Variants in PTBP2 observed in about 807,000 individuals in gnomAD.
PTBP2 encodes the protein polypyrimidine tract-binding protein 2.
In PTBP2, 13 loss-of-function variants were observed where a neutral mutation model predicts 61.4. That is an observed-to-expected ratio of 0.21 (90% CI 0.14 to 0.34). PTBP2 has a LOEUF of 0.34. PTBP2 is among the 10% of genes least tolerant of loss of function. The pLI is 1.00. For synonymous variants in PTBP2, 215 were observed against 218.5 expected (o/e 0.98, Z 0.14); for missense variants, 405 against 642.6 (o/e 0.63, Z 4.00).
intron 2 of PTBP2, among the ~76,000 whole-genome samples, chr1:96,731,966 A>T (rs916513074): frequency 6.6e-6 from 1 of 152,162 alleles, no homozygotes; most frequent in Non-Finnish European, 1.5e-5. Flanking sequence ...CCAATACGGT[A>T]AAATGTTAAC....
At chr1:96,751,269 T>C (rs754907753) in intron 2 of PTBP2, 156 bp from the exon 3 acceptor site, 1 of 701,358 alleles carries the variant, frequency 1.4e-6, no homozygotes, top group South Asian at 1.5e-5. Flanking sequence ...GAGGGATAGA[T>C]GGGAGAGTAG....
chr1:96,789,303 G>C (rs983890619), intron 8 of PTBP2, among the ~76,000 whole-genome samples: 5 of 152,056 alleles, frequency 3.3e-5, no homozygotes, highest in Admixed American at 6.6e-5. Flanking sequence ...AGTTATAATT[G>C]TGAACAGATA....
rs371940574 is a variant in PTBP2, at chr1:96,812,928, C to T, written c.1388C>T (p.Pro463Leu). Residue 463 changes from proline (P) to leucine (L), a missense_variant and splice_region_variant, in exon 12 of 14, where the codon CCT (proline) becomes CTT (leucine). Coordinates refer to ENST00000674951, the MANE Select transcript of PTBP2 (RefSeq NM_021190.4). ...GCCACCCTTCACCTATCTAATATCC[C>T]GTAAGTATATAAGCTAGAGTGTATT... The part of the protein sequence containing the change: ...PSATLHLSNI[P>L]PSVAEEDLRT... 4.4e-6 allele frequency: 7 copies of T among 1,605,910 alleles called. No homozygotes were observed. Among genetic ancestry groups the T allele is most frequent in the African/African-American group, 2.7e-5 (2 of 74,660 alleles).
intron 5 of PTBP2, among the ~76,000 whole-genome samples, chr1:96,775,579 A>G (rs1294084691): frequency 6.6e-6 from 1 of 152,148 alleles, no homozygotes; most frequent in African/African-American, 2.4e-5. Context: ...AAGCGTGAGT[A>G]TGGCTTCTAG....
chr1:96,729,793 G>T (rs1651143991), intron 2 of PTBP2, among the ~76,000 whole-genome samples: 1 of 145,900 alleles, frequency 6.9e-6, no homozygotes, highest in African/African-American at 2.6e-5. Flanking sequence ...CTGGAGTGCA[G>T]TGGCACCATC....
intron 2 of PTBP2, among the ~76,000 whole-genome samples, chr1:96,734,931 T>G (rs1651964750): frequency 6.7e-6 from 1 of 149,758 alleles, no homozygotes; most frequent in African/African-American, 2.5e-5. Flanking sequence ...TTCCTGCTTT[T>G]TGAGAGACAA....
Position 96,761,346 on chromosome 1 carries a change from ATGTGTGTGTGTGTGTGTGTG to A in PTBP2, c.116-8333_116-8314del, listed in dbSNP as rs57451223. On this transcript the variant is annotated intron_variant, in intron 3 of 13. Transcript: ENST00000674951. ...AGCAGGGGCCTAGATGTGGGATTTG[ATGTGTGTGTGTGTGTGTGTG>A]TGTGTGTGTGTGTGTGTGTGTGTAG... Among the ~76,000 whole-genome samples the A allele has an allele frequency of 7.8e-5, 11 of 140,574 alleles. No individual in the cohort carries two copies. The East Asian group carries it at 1.3e-3, about 16-fold the overall frequency. 92.2% of individuals were successfully genotyped at this position (140,574 alleles called of 152,430 possible).
chr1:96,756,763 T>C (rs1382655595), intron 3 of PTBP2, among the ~76,000 whole-genome samples: 1 of 152,086 alleles, frequency 6.6e-6, no homozygotes, highest in African/African-American at 2.4e-5. Context: ...AAATCAGTGG[T>C]TGCTAGGGTT....
At chr1:96,729,234 C>G (rs1651027156) in intron 2 of PTBP2, among the ~76,000 whole-genome samples, 1 of 152,128 alleles carries the variant, frequency 6.6e-6, no homozygotes, top group Admixed American at 6.5e-5. Context: ...GTTGGCCAGG[C>G]TGGTCTGGAA....
intron 7 of PTBP2, among the ~76,000 whole-genome samples, 163 bp downstream of exon 7, chr1:96,778,109 T>C (rs983510922): frequency 5.3e-5 from 8 of 151,090 alleles, no homozygotes; most frequent in African/African-American, 1.9e-4. Context: ...AAAAGAAATA[T>C]TTATTTTTAG....
At chr1:96,762,164 A>G (rs1655969804) in intron 3 of PTBP2, among the ~76,000 whole-genome samples, 1 of 149,176 alleles carries the variant, frequency 6.7e-6, no homozygotes. Context: ...CCGATTTCTC[A>G]ATCTTTTCCC....
exon 14 of PTBP2, chr1:96,822,695 T>G (rs1662721695): frequency 6.6e-6 from 1 of 152,168 alleles, no homozygotes; most frequent in African/African-American, 2.4e-5. Flanking sequence ...CTTTTAAAAT[T>G]ACAAAATTAA....
At chr1:96,745,458 A>G (rs1374814161) in intron 2 of PTBP2, among the ~76,000 whole-genome samples, 4 of 152,096 alleles carry the variant, frequency 2.6e-5, no homozygotes, top group African/African-American at 9.7e-5. Context: ...TACTGCGCCC[A>G]GCCCAATATT....
At chr1:96,781,107 T>C (rs980670416) in intron 7 of PTBP2, among the ~76,000 whole-genome samples, 1 of 152,072 alleles carries the variant, frequency 6.6e-6, no homozygotes, top group African/African-American at 2.4e-5. Context: ...AATGTCAATA[T>C]TGGCATAAAT....
At chr1:96,762,369 G>T (rs1256667810) in intron 3 of PTBP2, among the ~76,000 whole-genome samples, 13 of 149,210 alleles carry the variant, frequency 8.7e-5, no homozygotes. Flanking sequence ...CTCACCTCCC[G>T]GATGGGGCGG....
chr1:96,732,922 A>G (rs1557687045), intron 2 of PTBP2, among the ~76,000 whole-genome samples: 1 of 152,166 alleles, frequency 6.6e-6, no homozygotes, highest in Non-Finnish European at 1.5e-5. Context: ...GAAGACCTCA[A>G]TTACAGGTAG....
chr1:96,804,528 A>C (rs1417459471), intron 8 of PTBP2, among the ~76,000 whole-genome samples: 1 of 152,140 alleles, frequency 6.6e-6, no homozygotes, highest in South Asian at 2.1e-4. Context: ...GCTTTTCCAG[A>C]GGAAATAGAG....
chr1:96,758,154 A>G (rs553783158), intron 3 of PTBP2, among the ~76,000 whole-genome samples: 1 of 152,190 alleles, frequency 6.6e-6, no homozygotes, highest in Non-Finnish European at 1.5e-5. Flanking sequence ...CAATATTAGT[A>G]ATGTTGTTAA....
rs373815292 is a variant in PTBP2 at position 96,799,294 on chromosome 1, CT to C, written c.905-5487del. Among the ~76,000 whole-genome samples the C allele has an allele frequency of 1.0e-3, 95 of 92,164 alleles. 2 individuals are homozygous for C. Among genetic ancestry groups the C allele is most frequent in the African/African-American group, 1.3e-3 (26 of 20,654 alleles). 60.5% of individuals were successfully genotyped at this position (92,164 alleles called of 152,430 possible). ...ATAGCAATCCTCAGAATAGATCAAG[CT>C]TTTTTTTTTTTTTTTTTTGAGATGG... On this transcript the variant is annotated intron_variant, in intron 8 of 13. Transcript: ENST00000674951.
Sources: gnomAD v4.1 joint callset for allele counts (sites outside exome capture counted in the v4.1 genomes callset) on GRCh38, gnomAD v4.1.1 for gene constraint, MANE v1.5 for transcripts, NCBI Gene and HGNC (gene_info 2026-07-23, HGNC 2026-07-21) for gene names.